The following EXOC4 variants were observed in gnomAD, a reference collection of about 807,000 sequenced individuals.
EXOC4 encodes the protein SEC8-like 1.
EXOC4 carries 71 observed loss-of-function variants against 107.2 expected under a neutral mutation model. The observed-to-expected ratio is 0.66, with a 90% CI of 0.55 to 0.81. The LOEUF is 0.81. Ranked by LOEUF, EXOC4 falls within the 30% of genes least tolerant of loss-of-function variation. The pLI, the probability that EXOC4 is intolerant of heterozygous loss-of-function variation, is 0.00. For synonymous variants in EXOC4, 456 were observed against 441.2 expected (o/e 1.03, Z -0.42); for missense variants, 1,108 against 1,189.6 (o/e 0.93, Z 1.01).
chr7:133,788,385 T>C (rs1224057354), intron 10 of EXOC4, among the ~76,000 whole-genome samples: 4 of 152,110 alleles, frequency 2.6e-5, no homozygotes, highest in South Asian at 4.2e-4. Flanking sequence ...ACAAAACTCA[T>C]GAATTTTTTT....
intron 17 of EXOC4, among the ~76,000 whole-genome samples, chr7:134,045,053 A>T (rs1795616038): frequency 6.6e-6 from 1 of 152,196 alleles, no homozygotes; most frequent in Non-Finnish European, 1.5e-5. Flanking sequence ...TTGCCTTTGG[A>T]GCCTCAGGTT....
chr7:133,360,448 C>T (rs1796112911), intron 6 of EXOC4, among the ~76,000 whole-genome samples: 1 of 152,172 alleles, frequency 6.6e-6, no homozygotes, highest in Non-Finnish European at 1.5e-5. Flanking sequence ...TTAGGTAGAG[C>T]TGTAGGTCCT....
chr7:134,055,065 C>A (rs1027324261), intron 17 of EXOC4, among the ~76,000 whole-genome samples: 1 of 152,182 alleles, frequency 6.6e-6, no homozygotes, highest in African/African-American at 2.4e-5. Flanking sequence ...CCACTGGGAC[C>A]TGCTGATTTA....
chr7:133,828,689 T>G (rs953754224), intron 11 of EXOC4, among the ~76,000 whole-genome samples: 21 of 152,188 alleles, frequency 1.4e-4, no homozygotes, highest in Non-Finnish European at 1.2e-4. Context: ...GATGGGCTGG[T>G]GAAACCTGAT....
chr7:133,288,893 G>C, intron 2 of EXOC4, 29 bp from the exon 3 acceptor site: 1 of 1,606,668 alleles, frequency 6.2e-7, no homozygotes, highest in Non-Finnish European at 8.5e-7. Flanking sequence ...ACTTTGGACT[G>C]ACCCAAGACC....
intron 1 of EXOC4, among the ~76,000 whole-genome samples, chr7:133,273,698 T>C (rs942298382): frequency 3.3e-5 from 5 of 152,230 alleles, no homozygotes; most frequent in African/African-American, 9.6e-5. Context: ...TGAATTAAGA[T>C]CCTTTGCTCT....
intron 17 of EXOC4, among the ~76,000 whole-genome samples, chr7:134,042,264 G>A (rs551184264): frequency 1.8e-4 from 27 of 152,248 alleles, no homozygotes; most frequent in Non-Finnish European, 3.7e-4. Flanking sequence ...AGAGTATAAA[G>A]CATATTAGTT....
At chr7:133,450,911 TA>T (rs1238254989) in intron 7 of EXOC4, among the ~76,000 whole-genome samples, 3 of 152,242 alleles carry the variant, frequency 2.0e-5, no homozygotes, top group African/African-American at 7.2e-5. Flanking sequence ...GTACTATTTC[TA>T]ATGGATGCAG....
intron 10 of EXOC4, among the ~76,000 whole-genome samples, chr7:133,676,927 CTGTG>C (rs559035446): frequency 1.3e-3 from 163 of 124,722 alleles, no homozygotes; most frequent in African/African-American, 4.4e-3. Context: ...GTAGTAAACT[CTGTG>C]TGTGTGTGTG....
chr7:133,940,290 T>C (rs1252794036), intron 14 of EXOC4, among the ~76,000 whole-genome samples: 1 of 152,216 alleles, frequency 6.6e-6, no homozygotes, highest in Non-Finnish European at 1.5e-5. Flanking sequence ...AACTTTGTAA[T>C]TGCACGATTT....
At chr7:133,613,174 CTA>C (rs1460422909) in intron 9 of EXOC4, among the ~76,000 whole-genome samples, 3 of 151,020 alleles carry the variant, frequency 2.0e-5, no homozygotes, top group South Asian at 2.1e-4. Flanking sequence ...ATATATGACT[CTA>C]TTATAAAATT....
At chr7:133,511,552 A>G (rs935780630) in intron 9 of EXOC4, among the ~76,000 whole-genome samples, 11 of 152,214 alleles carry the variant, frequency 7.2e-5, no homozygotes, top group African/African-American at 2.7e-4. Flanking sequence ...GGGGGAGGGC[A>G]GAGAGCTATT....
At chr7:133,956,800 C>G (rs1471309023) in intron 14 of EXOC4, among the ~76,000 whole-genome samples, 1 of 152,212 alleles carries the variant, frequency 6.6e-6, no homozygotes, top group Non-Finnish European at 1.5e-5. Flanking sequence ...GGAAAAGACT[C>G]TATTTCTTAA....
intron 7 of EXOC4, among the ~76,000 whole-genome samples, chr7:133,409,069 T>C (rs993014022): frequency 6.6e-6 from 1 of 152,156 alleles, no homozygotes; most frequent in Non-Finnish European, 1.5e-5. Flanking sequence ...TCCCAGTAGG[T>C]TAGTCAATAG....
At chr7:133,945,434 A>G (rs1436600257) in intron 14 of EXOC4, among the ~76,000 whole-genome samples, 3 of 152,224 alleles carry the variant, frequency 2.0e-5, no homozygotes, top group Non-Finnish European at 2.9e-5. Flanking sequence ...TTTTACAGAG[A>G]AGAACTGTAG....
chr7:134,018,167 G>T (rs563239541), intron 17 of EXOC4, among the ~76,000 whole-genome samples: 186 of 152,296 alleles, frequency 1.2e-3, no homozygotes, highest in Non-Finnish European at 2.4e-3. Flanking sequence ...GTACTGAAAA[G>T]ATATTAAGCT....
At chr7:133,886,376 A>G (rs774746210) in intron 11 of EXOC4, among the ~76,000 whole-genome samples, 1 of 152,200 alleles carries the variant, frequency 6.6e-6, no homozygotes, top group Non-Finnish European at 1.5e-5. Flanking sequence ...ACTAGTTCTC[A>G]AAGGTACAAT....
chr7:133,661,582 C>T (rs1376450203), intron 10 of EXOC4, among the ~76,000 whole-genome samples: 6 of 148,796 alleles, frequency 4.0e-5, no homozygotes, highest in African/African-American at 1.2e-4. Flanking sequence ...CATCTCTCGG[C>T]TTTGGAGCCC....
chr7:134,086,750 A>C, the EXOC4 span, among the ~76,000 whole-genome samples: 1 of 152,168 alleles, frequency 6.6e-6, no homozygotes, highest in African/African-American at 2.4e-5. Flanking sequence ...TTTATTAAGA[A>C]AGTAGAGGAA....
Sources: allele counts gnomAD v4.1 joint callset (sites outside exome capture counted in the v4.1 genomes callset), GRCh38; gene constraint gnomAD v4.1.1; transcripts MANE v1.5; gene names NCBI Gene and HGNC (gene_info 2026-07-23, HGNC 2026-07-21).